TRPM8: variants seen among roughly 807,000 people sequenced by gnomAD.
TRPM8 encodes the protein TRPM8 cationic channel.
A neutral mutation model predicts 133.7 loss-of-function variants in TRPM8; 110 were observed. The ratio of observed to expected loss-of-function variants is 0.82; its 90% confidence interval spans 0.70 to 0.96. The LOEUF is 0.96. TRPM8 is among the 40% of genes least tolerant of loss of function. The probability of loss-of-function intolerance (pLI) is 0.00; values close to 1 mark genes in which losing one functional copy is unlikely to be tolerated. For synonymous variants in TRPM8, 535 were observed against 532.3 expected (o/e 1.01, Z -0.07); for missense variants, 1,291 against 1,379.5 (o/e 0.94, Z 1.02).
At chr2:233,985,659 A>G in intron 20 of TRPM8, 29 bp from the exon 21 acceptor site, 1 of 1,608,008 alleles carries the variant, frequency 6.2e-7, no homozygotes, top group Non-Finnish European at 8.5e-7. Context: ...GAGGGTCCTC[A>G]CTTTGCCTGT....
intron 5 of TRPM8, 106 bp from the exon 6 acceptor site, chr2:233,942,470 T>C: frequency 9.2e-7 from 1 of 1,090,502 alleles, no homozygotes; most frequent in Non-Finnish European, 1.4e-6. Context: ...CAGTGCTGTG[T>C]CCTGATGCCT....
At chr2:233,992,909 A>G (rs935261461) in intron 21 of TRPM8, among the ~76,000 whole-genome samples, 2 of 152,154 alleles carry the variant, frequency 1.3e-5, no homozygotes, top group African/African-American at 4.8e-5. Context: ...TCCCCTTTAC[A>G]GAATTTGAAA....
At chr2:233,919,308 G>A (rs1691364194) in intron 1 of TRPM8, among the ~76,000 whole-genome samples, 1 of 151,944 alleles carries the variant, frequency 6.6e-6, no homozygotes, top group Admixed American at 6.6e-5. Context: ...ATAGTACCAC[G>A]GCCAACCTCT....
intron 20 of TRPM8, 33 bp downstream of exon 20, chr2:233,983,257 T>C (rs1692058232): frequency 1.9e-6 from 3 of 1,613,600 alleles, no homozygotes. Flanking sequence ...GGAAACAGCT[T>C]GGAGGAGGCA....
chr2:234,017,212 A>C, intron 25 of TRPM8, 87 bp from the exon 26 acceptor site: 1 of 439,924 alleles, frequency 2.3e-6, no homozygotes, highest in Non-Finnish European at 4.7e-6. Context: ...GTATATTCCC[A>C]GTATATTTTG....
At chr2:233,974,600 C>A (rs939404518) in intron 17 of TRPM8, among the ~76,000 whole-genome samples, 1 of 152,166 alleles carries the variant, frequency 6.6e-6, no homozygotes, top group Non-Finnish European at 1.5e-5. Context: ...TCCTGGCAGG[C>A]CTTTTCTGGC....
chr2:233,996,557 G>A, intron 22 of TRPM8, 41 bp downstream of exon 22: 8 of 1,585,802 alleles, frequency 5.0e-6, no homozygotes, highest in Non-Finnish European at 6.9e-6. Context: ...CAGAAGCAGC[G>A]ATTAATTTCA....
In TRPM8 at chr2:234,018,870, A is replaced by AAATAAATAAATG. The variant is rs990215584; in HGVS notation, c.*1625_*1626insGAATAAATAAAT. ...AAAATAAATAAATAAATAAATAAAT[A>AAATAAATAAATG]AATAAATAAATATTATGGATGGTGA... On this transcript the variant is annotated 3_prime_UTR_variant, in exon 26 of 26. Coordinates refer to ENST00000324695, the MANE Select transcript of TRPM8 (RefSeq NM_024080.5). 3.3e-5 allele frequency: 5 copies of AAATAAATAAATG among 151,410 alleles called. No individual in the cohort carries two copies. Among genetic ancestry groups the AAATAAATAAATG allele is most frequent in the Non-Finnish European group, 5.9e-5 (4 of 67,912 alleles). 9.4% of individuals were successfully genotyped at this position (151,410 alleles called of 1,614,324 possible).
rs757180242 is a variant in TRPM8, at chr2:233,947,079, A to G, written c.875-9A>G. On this transcript the variant is annotated splice_polypyrimidine_tract_variant and intron_variant, in intron 7 of 25. Transcript: ENST00000324695. ...GCTCAAAATATGCTTTACTTTTTATATTTTACAGATTCCAACTATGGTGGC... is the reference window on the plus strand; with the variant it reads ...GCTCAAAATATGCTTTACTTTTTATGTTTTACAGATTCCAACTATGGTGGC... 2 of 1,613,686 alleles carry G rather than the reference A, an allele frequency of 1.2e-6. No individual in the cohort carries two copies. The highest frequency in any genetic ancestry group is 2.2e-5 in the South Asian group (2 of 91,006).
chr2:233,960,653 A>C (rs556069428), intron 11 of TRPM8, 123 bp from the exon 12 acceptor site: 3 of 731,908 alleles, frequency 4.1e-6, no homozygotes, highest in Non-Finnish European at 6.8e-6. Context: ...ATTGAAAGAG[A>C]AGTTGAAGAT....
intron 17 of TRPM8, among the ~76,000 whole-genome samples, chr2:233,971,817 A>C (rs1182246730): frequency 1.3e-5 from 2 of 152,104 alleles, no homozygotes; most frequent in African/African-American, 2.4e-5. Flanking sequence ...AGAGCGAAAG[A>C]ACAAAGCTTC....
chr2:233,927,960 CTT>C (rs758047852), intron 2 of TRPM8, among the ~76,000 whole-genome samples: 10,130 of 48,686 alleles, frequency 0.21, 2,319 homozygotes, highest in African/African-American at 0.25. Flanking sequence ...CTCTCTCTCT[CTT>C]TCTTTCTTTC....
intron 16 of TRPM8, 64 bp downstream of exon 16, chr2:233,969,871 T>G: frequency 4.1e-6 from 4 of 984,792 alleles, no homozygotes; most frequent in Non-Finnish European, 6.5e-6. Context: ...TGCATCCACA[T>G]ATGTGTGCTC....
chr2:233,943,060 G>A, intron 6 of TRPM8: 1 of 355,496 alleles, frequency 2.8e-6, no homozygotes, highest in Non-Finnish European at 4.9e-6. Flanking sequence ...AAAGCCAACT[G>A]CAGTATCTTT....
At chr2:233,933,576 T>C (rs965449338) in intron 3 of TRPM8, among the ~76,000 whole-genome samples, 1 of 152,198 alleles carries the variant, frequency 6.6e-6, no homozygotes, top group African/African-American at 2.4e-5. Flanking sequence ...TATAAACCAG[T>C]TCATACAAAT....
intron 5 of TRPM8, among the ~76,000 whole-genome samples, 183 bp downstream of exon 5, chr2:233,939,358 C>T (rs1690846945): frequency 6.6e-6 from 1 of 152,186 alleles, no homozygotes; most frequent in African/African-American, 2.4e-5. Context: ...TGGCAGATAG[C>T]GGGGGAGCTT....
chr2:234,006,998 C>A, intron 23 of TRPM8, 46 bp downstream of exon 23: 1 of 1,441,122 alleles, frequency 6.9e-7, no homozygotes, highest in Non-Finnish European at 9.7e-7. Flanking sequence ...CCTCTGTAGA[C>A]ATAAGCCCAT....
intron 14 of TRPM8, 91 bp downstream of exon 14, chr2:233,964,848 G>A (rs1691527231): frequency 1.5e-6 from 2 of 1,377,572 alleles, no homozygotes; most frequent in Non-Finnish European, 1.9e-6. Flanking sequence ...GATGGTGGAG[G>A]TCCGTGGCAT....
At chr2:233,938,165 C>T (rs1690808127) in intron 4 of TRPM8, among the ~76,000 whole-genome samples, 1 of 152,220 alleles carries the variant, frequency 6.6e-6, no homozygotes, top group Non-Finnish European at 1.5e-5. Flanking sequence ...GCAGCTCTGC[C>T]CACCTCCCTG....
Sources: gnomAD v4.1 joint callset for allele counts (sites outside exome capture counted in the v4.1 genomes callset) on GRCh38, gnomAD v4.1.1 for gene constraint, MANE v1.5 for transcripts, NCBI Gene and HGNC (gene_info 2026-07-23, HGNC 2026-07-21) for gene names.